Variants in ACSL5 observed in about 807,000 individuals in gnomAD.
The protein encoded by ACSL5 is acyl-CoA synthetase long chain family member 5.
ACSL5 carries 50 observed loss-of-function variants against 84.9 expected under a neutral mutation model. That is an observed-to-expected ratio of 0.59 (90% CI 0.47 to 0.75). The LOEUF is 0.75. ACSL5 is among the 30% of genes least tolerant of loss of function. The probability of loss-of-function intolerance (pLI) is 0.00; values close to 1 mark genes in which losing one functional copy is unlikely to be tolerated. For missense variants in ACSL5, 775 were observed against 830.4 expected (o/e 0.93, Z 0.82); for synonymous variants, 280 against 300.7 (o/e 0.93, Z 0.71).
chr10:112,379,236 C>G (rs953535000), intron 1 of ACSL5, among the ~76,000 whole-genome samples: 3 of 152,152 alleles, frequency 2.0e-5, no homozygotes, highest in Non-Finnish European at 2.9e-5. Context: ...GAAACCCCAT[C>G]TCTGCTAAAA....
intron 1 of ACSL5, among the ~76,000 whole-genome samples, chr10:112,392,660 G>A (rs1843669854): frequency 6.6e-6 from 1 of 151,188 alleles, no homozygotes; most frequent in African/African-American, 2.4e-5. Flanking sequence ...AGAATGGCGT[G>A]AACCCGGGAG....
At chr10:112,399,754 AGCCAACTCCT>A (rs1843833331) in intron 3 of ACSL5, among the ~76,000 whole-genome samples, 1 of 152,250 alleles carries the variant, frequency 6.6e-6, no homozygotes, top group African/African-American at 2.4e-5. Flanking sequence ...GCATATTCAT[AGCCAACTCCT>A]GTCAAGTGTT....
intron 3 of ACSL5, among the ~76,000 whole-genome samples, chr10:112,400,998 A>G (rs912348642): frequency 1.3e-5 from 2 of 152,296 alleles, no homozygotes; most frequent in East Asian, 3.9e-4. Flanking sequence ...TCCTAAACCA[A>G]TACCGTTGAA....
At position 112,404,780 on chromosome 10, in the gene ACSL5, G is replaced by A. The variant is rs569789587; in HGVS notation, c.406G>A (p.Gly136Ser). The A allele has an allele frequency of 8.7e-6, 14 of 1,613,758 alleles. No individual in the cohort carries two copies. The highest frequency in any genetic ancestry group is 3.3e-4 in the Middle Eastern group (2 of 6,060). Residue 136 changes from glycine (G) to serine (S), a missense_variant, in exon 5 of 21, where the codon GGC (glycine) becomes AGC (serine). Coordinates refer to ENST00000354655, the MANE Select transcript of ACSL5 (RefSeq NM_203379.2). ...TAAATCATCACCAGACCAGTTTGTC[G>A]GCATCTTTGCTCAGAATAGGCCAGA... Reference protein sequence around the residue: ...GYKSSPDQFVGIFAQNRPEWI... With the variant: ...GYKSSPDQFVSIFAQNRPEWI...
At chr10:112,397,890 G>A (rs965786499) in intron 2 of ACSL5, among the ~76,000 whole-genome samples, 3 of 152,002 alleles carry the variant, frequency 2.0e-5, no homozygotes, top group Admixed American at 1.3e-4. Context: ...CACATAGTAT[G>A]CATTCAGTAG....
rs1844812991 is a variant in ACSL5, at chr10:112,428,151, G to C, written c.*793G>C. On this transcript the variant is annotated 3_prime_UTR_variant, in exon 21 of 21. Transcript: ENST00000354655. ...GGGAAGGAGTTGACAGGTGGGCCCA[G>C]TGAACTTTTCCAGTAAATGAAGCAA... The C allele has an allele frequency of 9.7e-6, 3 of 310,656 alleles. No homozygotes were observed. In the South Asian group the frequency reaches 4.8e-4, roughly 50 times the overall value. 19.2% of individuals were successfully genotyped at this position (310,656 alleles called of 1,614,324 possible).
intron 2 of ACSL5, among the ~76,000 whole-genome samples, chr10:112,397,313 G>T (rs1490008396): frequency 6.6e-6 from 1 of 152,052 alleles, no homozygotes; most frequent in Non-Finnish European, 1.5e-5. Context: ...GGGATTACAG[G>T]TGCCTGCCAC....
rs1406332623 is a variant in ACSL5 at position 112,427,926 on chromosome 10, T to G, written c.*568T>G. The G allele has an allele frequency of 6.5e-6, 1 of 153,040 alleles. No homozygotes were observed. Among genetic ancestry groups the G allele is most frequent in the Non-Finnish European group, 1.5e-5 (1 of 68,598 alleles). The allele number at this position is 153,040 out of a possible 1,614,324, so 9.5% of individuals were successfully genotyped here. On this transcript the variant is annotated 3_prime_UTR_variant, in exon 21 of 21. Transcript: ENST00000354655. ...GTCTCCGATGCTCTTCTGCGTAAAT[T>G]AAATTGTGTACTGAAGGGAAAAGTT...
At chr10:112,391,697 T>C (rs1589676900) in intron 1 of ACSL5, among the ~76,000 whole-genome samples, 1 of 152,218 alleles carries the variant, frequency 6.6e-6, no homozygotes, top group Non-Finnish European at 1.5e-5. Context: ...AATTAAACTA[T>C]GAAATGTGTT....
chr10:112,389,599 A>G (rs1849517996), intron 1 of ACSL5, among the ~76,000 whole-genome samples: 1 of 152,160 alleles, frequency 6.6e-6, no homozygotes, highest in African/African-American at 2.4e-5. Flanking sequence ...GTTAAAAGGA[A>G]GAGGAAATGC....
intron 1 of ACSL5, among the ~76,000 whole-genome samples, chr10:112,375,738 C>G (rs933114522): frequency 6.6e-6 from 1 of 152,168 alleles, no homozygotes. Flanking sequence ...GTGACTGTAT[C>G]AGAGGGAAAG....
chr10:112,413,576 A>T (rs1053549405), intron 12 of ACSL5, among the ~76,000 whole-genome samples: 1 of 152,016 alleles, frequency 6.6e-6, no homozygotes, highest in Non-Finnish European at 1.5e-5. Flanking sequence ...AAATACAAAA[A>T]TTAGCTGGAC....
intron 17 of ACSL5, among the ~76,000 whole-genome samples, chr10:112,422,731 C>T (rs1008183035): frequency 6.6e-6 from 1 of 151,782 alleles, no homozygotes; most frequent in Non-Finnish European, 1.5e-5. Context: ...TAACGGGCAC[C>T]TGTAATCCCA....
chr10:112,394,782 GTGTT>G lies in ACSL5; in HGVS notation c.-29-133_-29-130del, dbSNP rs1843708701. ...ATTCTGCCACTAGAGAGGTACAACT[GTGTT>G]TGAGGGTTTGAAGGCGTGCGCGCGT... On this transcript the variant is annotated intron_variant, in intron 1 of 20. Coordinates refer to ENST00000354655, the MANE Select transcript of ACSL5 (RefSeq NM_203379.2). 8.1e-6 allele frequency: 12 copies of G among 1,489,980 alleles called. No homozygotes were observed. The Admixed American group carries it at 9.2e-5, about 11-fold the overall frequency. The allele number at this position is 1,489,980 out of a possible 1,614,324, so 92.3% of individuals were successfully genotyped here.
At position 112,404,730 on chromosome 10, in the gene ACSL5, GT is replaced by G. The variant is rs1418396804; in HGVS notation, c.358del (p.Ser120ProfsTer39). 2 of 1,613,948 alleles carry G rather than the reference GT, an allele frequency of 1.2e-6. No individual in the cohort carries two copies. The highest frequency in any genetic ancestry group is 1.7e-6 in the Non-Finnish European group (2 of 1,179,928). On this transcript the variant is annotated frameshift_variant, in exon 5 of 21. Transcript: ENST00000354655. LOFTEE classifies it high-confidence loss of function. ...GTGTCTGATAGAGCAGAGTACCTGG[GT>G]TCCTGTCTCTTGCATAAAGGTTATA... is the stretch of plus-strand genomic sequence containing the variant. The part of the protein sequence containing the change: ...KQVSDRAEYL[G>X]SCLLHKGYKS...
At chr10:112,390,695 GAT>G in intron 1 of ACSL5, among the ~76,000 whole-genome samples, 1 of 151,050 alleles carries the variant, frequency 6.6e-6, no homozygotes, top group East Asian at 2.0e-4. Context: ...TAGATAGATA[GAT>G]AGAGTGTAGT....
chr10:112,380,695 C>G (rs1418785988), intron 1 of ACSL5, among the ~76,000 whole-genome samples: 1 of 152,166 alleles, frequency 6.6e-6, no homozygotes, highest in African/African-American at 2.4e-5. Flanking sequence ...GGTTTGGTGG[C>G]AGGCCCACTG....
Position 112,395,060 on chromosome 10 carries a change from C to G in ACSL5, c.114C>G (p.Val38=), listed in dbSNP as rs1843716108. The change falls in exon 2 of 21, where the codon GTC becomes GTG. Residue 38 remains valine (V), a synonymous_variant. Transcript: ENST00000354655. ...GGCTGATCACCAGACCTCAACCCGT[C>G]TTACCTCTTCTTGACCTGAACAATC... ...FLWLITRPQP[V]LPLLDLNNQS... is the part of the protein sequence containing the mutation. 1.2e-6 allele frequency: 2 copies of G among 1,613,954 alleles called. No individual in the cohort carries two copies. The highest frequency in any genetic ancestry group is 2.2e-5 in the East Asian group (1 of 44,882).
At chr10:112,423,440 T>C (rs1844556495) in intron 17 of ACSL5, among the ~76,000 whole-genome samples, 1 of 151,116 alleles carries the variant, frequency 6.6e-6, no homozygotes, top group Non-Finnish European at 1.5e-5. Flanking sequence ...CAAGCAATCC[T>C]CTTGCCTTGA....
Sources: allele counts gnomAD v4.1 joint callset (sites outside exome capture counted in the v4.1 genomes callset), GRCh38; gene constraint gnomAD v4.1.1; transcripts MANE v1.5; gene names NCBI Gene and HGNC (gene_info 2026-07-23, HGNC 2026-07-21).